VGLL4: variants seen among roughly 807,000 people sequenced by gnomAD.
VGLL4 encodes the protein vestigial like family member 4, also known as transcription cofactor vestigial-like protein 4.
A neutral mutation model predicts 21.0 loss-of-function variants in VGLL4; 7 were observed. The observed-to-expected ratio is 0.33, with a 90% CI of 0.19 to 0.63. The LOEUF (loss-of-function observed/expected upper bound fraction) is 0.63, where lower values mean the gene tolerates loss of function less well. Ranked by LOEUF, VGLL4 falls within the 20% of genes least tolerant of loss-of-function variation. The pLI is 0.78. For missense variants in VGLL4, 394 were observed against 425.7 expected (o/e 0.93, Z 0.66); for synonymous variants, 222 against 173.2 (o/e 1.28, Z -2.21).
intron 1 of VGLL4, among the ~76,000 whole-genome samples, chr3:11,635,458 G>A (rs1415563788): frequency 6.6e-6 from 1 of 152,192 alleles, no homozygotes; most frequent in East Asian, 1.9e-4. Flanking sequence ...TTGCAGGCAG[G>A]GAAGCAACAT....
In VGLL4 at chr3:11,568,725, C is replaced by A; in HGVS notation, c.273-3706G>T. 6.5e-7 allele frequency: 1 copy of A among 1,542,256 alleles called. No individual in the cohort carries two copies. The highest frequency in any genetic ancestry group is 2.0e-5 in the Admixed American group (1 of 50,488). ...CCCAGGCGTCATGTGCTCCCGGGGACGGCAGAAAACCGCACGCATCCTGCC... is the reference window on the plus strand; with the variant it reads ...CCCAGGCGTCATGTGCTCCCGGGGAAGGCAGAAAACCGCACGCATCCTGCC... On this transcript the variant is annotated intron_variant, in intron 2 of 4. Transcript: ENST00000430365. The surrounding 1 kb of genome is among the most constrained non-coding windows in gnomAD (Gnocchi z 5.9).
At chr3:11,650,510 G>A (rs1206968492) in intron 2 of VGLL4, among the ~76,000 whole-genome samples, 1 of 152,152 alleles carries the variant, frequency 6.6e-6, no homozygotes. Flanking sequence ...TTTCATTTGA[G>A]CACTTGAAGA....
chr3:11,621,976 T>C (rs991623887), intron 1 of VGLL4, among the ~76,000 whole-genome samples: 1 of 152,194 alleles, frequency 6.6e-6, no homozygotes, highest in Non-Finnish European at 1.5e-5. Context: ...CCTTTGCCCA[T>C]TTTTAAATAA....
intron 2 of VGLL4, among the ~76,000 whole-genome samples, chr3:11,584,617 A>G (rs1351818552): frequency 6.6e-6 from 1 of 152,202 alleles, no homozygotes; most frequent in Non-Finnish European, 1.5e-5. Context: ...AGATATTCGA[A>G]GTTCTGCAAA....
chr3:11,659,885 G>A (rs535590054), intron 2 of VGLL4, among the ~76,000 whole-genome samples: 3 of 152,218 alleles, frequency 2.0e-5, no homozygotes, highest in African/African-American at 7.2e-5. Flanking sequence ...CATCTTGGCC[G>A]GGCGCGGTGG....
intron 1 of VGLL4, among the ~76,000 whole-genome samples, chr3:11,603,724 G>A (rs890851068): frequency 6.6e-6 from 1 of 152,154 alleles, no homozygotes; most frequent in Non-Finnish European, 1.5e-5. Context: ...GGCAGGATGC[G>A]AGGGGATGAG....
At position 11,691,157 on chromosome 3, in the gene VGLL4, T is replaced by G. The variant is rs944759684; in HGVS notation, c.64+11814A>C. Among the ~76,000 whole-genome samples the G allele has an allele frequency of 2.7e-5, 4 of 150,912 alleles. No homozygotes were observed. The East Asian group carries it at 7.8e-4, about 30-fold the overall frequency. On this transcript the variant is annotated intron_variant, in intron 2 of 5. Coordinates refer to the VGLL4 transcript ENST00000273038. ...GGGAGGGAGAGTAGCTGAAACAGGT[T>G]GTTGTTGTTGTTGTTGTTTTTTATC...
chr3:11,602,253 T>C (rs1438592343), intron 1 of VGLL4, among the ~76,000 whole-genome samples: 5 of 152,114 alleles, frequency 3.3e-5, no homozygotes, highest in African/African-American at 1.2e-4. Flanking sequence ...CTCTTTAGGG[T>C]AGAGTTTAAA....
intron 2 of VGLL4, among the ~76,000 whole-genome samples, chr3:11,686,452 A>G (rs1283957414): frequency 2.6e-5 from 4 of 152,230 alleles, no homozygotes; most frequent in Non-Finnish European, 4.4e-5. Flanking sequence ...TGAAGTACCC[A>G]GAATAGTCAA....
intron 2 of VGLL4, among the ~76,000 whole-genome samples, chr3:11,652,424 T>C (rs1393286663): frequency 6.6e-6 from 1 of 152,088 alleles, no homozygotes; most frequent in Admixed American, 6.5e-5. Context: ...TGTTTTTTGT[T>C]TTTTTGTTTT....
At chr3:11,573,316 GAAGAAAGAAAGAAAGAAAGA>G (rs1286422799) in intron 2 of VGLL4, among the ~76,000 whole-genome samples, 2,007 of 20,552 alleles carry the variant, frequency 0.098, 49 homozygotes, top group Admixed American at 0.11. Flanking sequence ...AGGAAGGAAG[GAAGAAAGAAAGAAAGAAAGA>G]AAGAAAGAAA....
At chr3:11,687,384 T>G (rs575284062) in intron 2 of VGLL4, among the ~76,000 whole-genome samples, 6 of 152,374 alleles carry the variant, frequency 3.9e-5, no homozygotes, top group African/African-American at 1.4e-4. Flanking sequence ...GTTTTATGAT[T>G]TATTCACAAA....
At chr3:11,696,641 C>A (rs994725180) in intron 2 of VGLL4, among the ~76,000 whole-genome samples, 1 of 152,180 alleles carries the variant, frequency 6.6e-6, no homozygotes, top group Non-Finnish European at 1.5e-5. Context: ...ATGTAAGGAG[C>A]CATGACTCAA....
chr3:11,683,022 G>C (rs942019003), intron 2 of VGLL4, among the ~76,000 whole-genome samples: 1 of 152,096 alleles, frequency 6.6e-6, no homozygotes. Context: ...GAGGTCAGGA[G>C]TTCAAGACCA....
chr3:11,696,544 A>G (rs924415436), intron 2 of VGLL4, among the ~76,000 whole-genome samples: 6 of 152,214 alleles, frequency 3.9e-5, no homozygotes, highest in African/African-American at 1.4e-4. Flanking sequence ...AGGAGCCAGG[A>G]GTAAAGTTTA....
rs747972648 is a variant in VGLL4 at position 11,559,460 on chromosome 3, G to A, written c.496-5C>T. 46 of 1,552,408 alleles carry A rather than the reference G, an allele frequency of 3.0e-5. 1 individual carries two copies. Among genetic ancestry groups the A allele is most frequent in the South Asian group, 4.8e-5 (4 of 83,206 alleles). ...GGTGATCACGGAGGGCCGGTTCTGCGGGGAGGAGGGGTGTCAGTATGTGGA... is the reference window on the plus strand; with the variant it reads ...GGTGATCACGGAGGGCCGGTTCTGCAGGGAGGAGGGGTGTCAGTATGTGGA... On this transcript the variant is annotated splice_region_variant and splice_polypyrimidine_tract_variant and intron_variant, in intron 3 of 4. Transcript: ENST00000430365.
intron 2 of VGLL4, among the ~76,000 whole-genome samples, chr3:11,589,665 G>A (rs1010649827): frequency 6.6e-6 from 1 of 152,206 alleles, no homozygotes; most frequent in South Asian, 2.1e-4. Context: ...TTAAACAGAC[G>A]TTTGTTTTCT....
At chr3:11,633,575 C>G (rs1415009896) in intron 1 of VGLL4, 1 of 152,570 alleles carries the variant, frequency 6.6e-6, no homozygotes, top group African/African-American at 2.4e-5. Context: ...GAGGCTGAGG[C>G]AGAAGAATCG....
At position 11,556,762 on chromosome 3, in the gene VGLL4, T is replaced by TCAAAATCACCCATATAG; in HGVS notation, c.*1777_*1793dup. 6.5e-6 allele frequency: 1 copy of TCAAAATCACCCATATAG among 152,724 alleles called. No homozygotes were observed. Among genetic ancestry groups the TCAAAATCACCCATATAG allele is most frequent in the Non-Finnish European group, 1.5e-5 (1 of 68,034 alleles). The allele number at this position is 152,724 out of a possible 1,614,324, so 9.5% of individuals were successfully genotyped here. On this transcript the variant is annotated 3_prime_UTR_variant, in exon 5 of 5. Transcript: ENST00000430365. ...CTTTACGCACAGCGTAACGATGGTC[T>TCAAAATCACCCATATAG]CAAAATCACCCATATAGAAAAGTGT...
Sources: gnomAD v4.1 joint callset for allele counts (sites outside exome capture counted in the v4.1 genomes callset) on GRCh38, gnomAD v4.1.1 for gene constraint, Gnocchi (gnomAD v3.1) non-coding constraint, MANE v1.5 for transcripts, NCBI Gene and HGNC (gene_info 2026-07-23, HGNC 2026-07-21) for gene names.